Variants in WDFY2 observed in about 807,000 individuals in gnomAD.
WDFY2 encodes WD repeat and FYVE domain-containing protein 2.
In WDFY2, 36 loss-of-function variants were observed where a neutral mutation model predicts 56.4. That is an observed-to-expected ratio of 0.64 (90% CI 0.49 to 0.84). The LOEUF (loss-of-function observed/expected upper bound fraction) is 0.84. WDFY2 is among the 40% of genes least tolerant of loss of function. The pLI is 0.00. For synonymous variants in WDFY2, 176 were observed against 183.7 expected (o/e 0.96, Z 0.34); for missense variants, 444 against 512.2 (o/e 0.87, Z 1.29).
At chr13:51,665,661 A>G (rs993637086) in intron 2 of WDFY2, among the ~76,000 whole-genome samples, 5 of 152,182 alleles carry the variant, frequency 3.3e-5, no homozygotes, top group African/African-American at 1.2e-4. Flanking sequence ...CAAGCCTGGC[A>G]TGTATTGCCA....
chr13:51,633,265 G>A (rs563039018), intron 1 of WDFY2, among the ~76,000 whole-genome samples: 6 of 152,340 alleles, frequency 3.9e-5, no homozygotes, highest in South Asian at 2.1e-4. Context: ...AGGCTCTGAA[G>A]TGGGGATCCT....
intron 1 of WDFY2, among the ~76,000 whole-genome samples, chr13:51,598,041 T>C (rs566051279): frequency 6.3e-4 from 96 of 152,316 alleles, no homozygotes; most frequent in Non-Finnish European, 9.6e-4. Context: ...CTGCTTCAGC[T>C]GTGTTAAACT....
At chr13:51,694,952 C>G (rs919848499) in intron 3 of WDFY2, among the ~76,000 whole-genome samples, 1 of 152,132 alleles carries the variant, frequency 6.6e-6, no homozygotes, top group African/African-American at 2.4e-5. Context: ...TCACTGATAC[C>G]CTTTCTTCCA....
intron 2 of WDFY2, among the ~76,000 whole-genome samples, chr13:51,662,526 G>T (rs1310877465): frequency 6.6e-6 from 1 of 152,176 alleles, no homozygotes; most frequent in Non-Finnish European, 1.5e-5. Context: ...GAAGGCACAG[G>T]ATCCTAATTG....
Position 51,629,830 on chromosome 13 carries a change from T to TC in WDFY2, c.138-30766_138-30765insC, listed in dbSNP as rs990417787. Reference sequence around the variant, plus strand: ...TTTCTTTTCTTTCTTTCTTTTCTTTTTTTTTTTTTTTGGTTTATAGATGTA... The same window carrying TC: ...TTTCTTTTCTTTCTTTCTTTTCTTTTCTTTTTTTTTTTGGTTTATAGATGTA... On this transcript the variant is annotated intron_variant, in intron 1 of 11. Coordinates refer to ENST00000298125, the MANE Select transcript of WDFY2 (RefSeq NM_052950.4). Among the ~76,000 whole-genome samples the TC allele has an allele frequency of 1.1e-4, 16 of 148,290 alleles. No homozygotes were observed. In the East Asian group the frequency reaches 1.7e-3, roughly 16 times the overall value.
chr13:51,715,997 T>A (rs868625121), intron 4 of WDFY2, among the ~76,000 whole-genome samples: 1 of 152,330 alleles, frequency 6.6e-6, no homozygotes, highest in Non-Finnish European at 1.5e-5. Context: ...CCATCAGTGA[T>A]GAATGGATAA....
chr13:51,650,831 G>T lies in WDFY2; in HGVS notation c.138-9765G>T, dbSNP rs577105814. Among the ~76,000 whole-genome samples, 11 of 152,290 alleles carry T rather than the reference G, an allele frequency of 7.2e-5. No homozygotes were observed. The South Asian group carries it at 2.3e-3, about 32-fold the overall frequency. On this transcript the variant is annotated intron_variant, in intron 1 of 11. Transcript: ENST00000298125. ...TTCGGTTTGCCAGTATTTTATTGAG[G>T]ATTTTTGGATCGACATTCATCAGGG...
intron 6 of WDFY2, among the ~76,000 whole-genome samples, chr13:51,728,121 G>A (rs1453722105): frequency 6.6e-6 from 1 of 152,198 alleles, no homozygotes; most frequent in Non-Finnish European, 1.5e-5. Context: ...TCAAACCCCA[G>A]AAGGCCAAAA....
intron 3 of WDFY2, among the ~76,000 whole-genome samples, chr13:51,680,351 C>A (rs1001096634): frequency 1.3e-5 from 2 of 152,206 alleles, no homozygotes; most frequent in Non-Finnish European, 2.9e-5. Flanking sequence ...ATCCTCCCAC[C>A]TCAGCCTCCC....
chr13:51,746,984 CTGGCACAGCTTAAAAATTATCTAAGCAA>C (rs1029077605), intron 7 of WDFY2, among the ~76,000 whole-genome samples: 1 of 152,274 alleles, frequency 6.6e-6, no homozygotes, highest in African/African-American at 2.4e-5. Flanking sequence ...ACTCAATCCG[CTGGCACAGCTTAAAAATTATCTAAGCAA>C]TGTCAGCTCA....
At chr13:51,628,127 G>A (rs1420357405) in intron 1 of WDFY2, among the ~76,000 whole-genome samples, 4 of 152,160 alleles carry the variant, frequency 2.6e-5, no homozygotes, top group Non-Finnish European at 5.9e-5. Context: ...ACCTGTCTGC[G>A]TCCTGGCATC....
intron 3 of WDFY2, among the ~76,000 whole-genome samples, chr13:51,694,998 T>C (rs1342097057): frequency 6.6e-6 from 1 of 152,222 alleles, no homozygotes; most frequent in Non-Finnish European, 1.5e-5. Context: ...TCTGCATTCT[T>C]CACGTAGTTC....
rs1951946991 is a variant in WDFY2 at position 51,699,802 on chromosome 13, C to T, written c.280-3794C>T. Among the ~76,000 whole-genome samples, 3 of 152,288 alleles carry T rather than the reference C, an allele frequency of 2.0e-5. No individual in the cohort carries two copies. The South Asian group carries it at 6.2e-4, about 32-fold the overall frequency. On this transcript the variant is annotated intron_variant, in intron 3 of 11. Transcript: ENST00000298125. ...GGTGTTTATTAAGACATTAAATGTACATAATATTTGAGCCAGCATATCTTC... is the reference window on the plus strand; with the variant it reads ...GGTGTTTATTAAGACATTAAATGTATATAATATTTGAGCCAGCATATCTTC...
intron 1 of WDFY2, among the ~76,000 whole-genome samples, chr13:51,630,862 C>T (rs1195238980): frequency 6.6e-6 from 1 of 150,780 alleles, no homozygotes; most frequent in Non-Finnish European, 1.5e-5. Context: ...CACTGCAACC[C>T]CTGCCTCCTG....
intron 5 of WDFY2, among the ~76,000 whole-genome samples, chr13:51,724,241 T>G (rs1157327072): frequency 2.8e-5 from 4 of 144,880 alleles, no homozygotes; most frequent in Non-Finnish European, 4.5e-5. Flanking sequence ...CTTTTTTTTT[T>G]TTTTTTTTTT....
chr13:51,703,409 T>A (rs1952023327), intron 3 of WDFY2, among the ~76,000 whole-genome samples, 187 bp from the exon 4 acceptor site: 1 of 152,224 alleles, frequency 6.6e-6, no homozygotes, highest in Admixed American at 6.5e-5. Context: ...AAAATTATGA[T>A]AACTGCATTG....
intron 3 of WDFY2, among the ~76,000 whole-genome samples, chr13:51,691,364 A>G (rs12867829): frequency 6.6e-6 from 1 of 150,698 alleles, no homozygotes; most frequent in Admixed American, 6.6e-5. Flanking sequence ...ATCTTGAATT[A>G]ATTTTTGTAT....
At chr13:51,652,300 C>T (rs1270417132) in intron 1 of WDFY2, among the ~76,000 whole-genome samples, 3 of 152,160 alleles carry the variant, frequency 2.0e-5, no homozygotes, top group Non-Finnish European at 2.9e-5. Flanking sequence ...ATGTGTGTCT[C>T]TGCATGTGAG....
intron 7 of WDFY2, among the ~76,000 whole-genome samples, chr13:51,749,865 T>G (rs977830980): frequency 4.6e-5 from 7 of 152,148 alleles, no homozygotes; most frequent in Non-Finnish European, 1.0e-4. Context: ...AAAACATAAT[T>G]GCTATTCATA....
Sources: allele counts gnomAD v4.1 joint callset (sites outside exome capture counted in the v4.1 genomes callset), GRCh38; gene constraint gnomAD v4.1.1; transcripts MANE v1.5; gene names NCBI Gene and HGNC (gene_info 2026-07-23, HGNC 2026-07-21).